The following PTPN22 variants were observed in gnomAD, a reference collection of about 807,000 sequenced individuals.
PTPN22 encodes the protein tyrosine-protein phosphatase non-receptor type 22.
Under a neutral mutation model 103.3 loss-of-function variants are expected in PTPN22, and 85 were observed. The observed-to-expected ratio is 0.82, with a 90% confidence interval of 0.69 to 0.99. The LOEUF is 0.99. PTPN22 is among the 50% of genes least tolerant of loss of function. PTPN22 has a pLI of 0.00. For missense variants in PTPN22, 865 were observed against 936.9 expected (o/e 0.92, Z 1.00); for synonymous variants, 323 against 310.2 (o/e 1.04, Z -0.43).
intron 10 of PTPN22, among the ~76,000 whole-genome samples, chr1:113,849,584 TTA>T (rs113029410): frequency 0.28 from 31,794 of 113,148 alleles, 4,217 homozygotes; most frequent in South Asian, 0.45. Context: ...CTTTATTTAT[TTA>T]TTTATTTATT....
At chr1:113,848,446 G>T in intron 11 of PTPN22, 94 bp downstream of exon 11, 1 of 1,576,176 alleles carries the variant, frequency 6.3e-7, no homozygotes, top group Non-Finnish European at 8.6e-7. Flanking sequence ...CAATTTAGTT[G>T]TGACAATAGA....
At chr1:113,846,506 CAT>C (rs1205859218) in intron 11 of PTPN22, among the ~76,000 whole-genome samples, 5 of 152,158 alleles carry the variant, frequency 3.3e-5, no homozygotes. Flanking sequence ...AATTGTAAAA[CAT>C]AATTTATAAA....
chr1:113,826,698 C>A (rs1662102393), intron 18 of PTPN22, among the ~76,000 whole-genome samples: 1 of 105,834 alleles, frequency 9.4e-6, no homozygotes, highest in Non-Finnish European at 1.7e-5. Flanking sequence ...GAGACGGAGT[C>A]TCGCTCTGTC....
At chr1:113,855,146 G>C (rs1031484493) in intron 7 of PTPN22, 97 bp from the exon 8 acceptor site, 3 of 1,089,524 alleles carry the variant, frequency 2.8e-6, no homozygotes, top group African/African-American at 3.2e-5. Flanking sequence ...GGATTATTCA[G>C]TGGCATGCAT....
At chr1:113,853,050 T>A (rs2102071298) in intron 9 of PTPN22, among the ~76,000 whole-genome samples, 1 of 152,298 alleles carries the variant, frequency 6.6e-6, no homozygotes, top group South Asian at 2.1e-4. Flanking sequence ...GCGATTCTCC[T>A]GCCTCAGCCT....
chr1:113,835,110 G>A (rs1317265156), intron 13 of PTPN22, 117 bp from the exon 14 acceptor site: 3 of 563,592 alleles, frequency 5.3e-6, no homozygotes, highest in Non-Finnish European at 8.3e-6. Context: ...TTCCGTTGAA[G>A]CAACATTATC....
At chr1:113,849,292 G>A (rs1395699213) in intron 10 of PTPN22, among the ~76,000 whole-genome samples, 2 of 152,078 alleles carry the variant, frequency 1.3e-5, no homozygotes, top group Non-Finnish European at 2.9e-5. Context: ...TGAAATTTGT[G>A]GTTACAAAAG....
chr1:113,853,793 T>C (rs1664791195), intron 9 of PTPN22, among the ~76,000 whole-genome samples: 1 of 150,550 alleles, frequency 6.6e-6, no homozygotes, highest in African/African-American at 2.4e-5. Context: ...GCAATTCTCC[T>C]GCCTCAGCCT....
chr1:113,871,014 C>T (rs1390375277), intron 1 of PTPN22, among the ~76,000 whole-genome samples: 1 of 152,012 alleles, frequency 6.6e-6, no homozygotes, highest in Middle Eastern at 3.2e-3. Context: ...GCCTGGGTGA[C>T]AGAGTAAGAT....
intron 10 of PTPN22, among the ~76,000 whole-genome samples, chr1:113,849,511 A>G (rs1664362776): frequency 6.6e-6 from 1 of 152,192 alleles, no homozygotes; most frequent in South Asian, 2.1e-4. Context: ...ATTTTTTTTC[A>G]AAGATAATTT....
chr1:113,855,157 G>C, intron 7 of PTPN22, 108 bp from the exon 8 acceptor site: 1 of 945,486 alleles, frequency 1.1e-6, no homozygotes, highest in South Asian at 1.6e-5. Flanking sequence ...TGGCATGCAT[G>C]CAACAAACCT....
intron 10 of PTPN22, among the ~76,000 whole-genome samples, 162 bp from the exon 11 acceptor site, chr1:113,848,788 A>G (rs550671792): frequency 6.6e-6 from 1 of 152,352 alleles, no homozygotes; most frequent in East Asian, 1.9e-4. Flanking sequence ...CCTTATGCTT[A>G]CGTAGTTCAC....
At chr1:113,857,899 A>G in intron 4 of PTPN22, 123 bp from the exon 5 acceptor site, 1 of 819,090 alleles carries the variant, frequency 1.2e-6, no homozygotes, top group Non-Finnish European at 1.9e-6. Flanking sequence ...TTTTTTTTTA[A>G]CCAAAAAATA....
intron 13 of PTPN22, 139 bp downstream of exon 13, chr1:113,837,449 CAA>C (rs930687643): frequency 1.3e-3 from 617 of 464,962 alleles, no homozygotes; most frequent in Middle Eastern, 2.4e-3. Context: ...GACTCCATCT[CAA>C]AAAAAAAAAA....
chr1:113,859,386 A>G lies in PTPN22; in HGVS notation c.162T>C (p.Asn54=), dbSNP rs764878466. The change falls in exon 2 of 21, where the codon AAT becomes AAC. Residue 54 remains asparagine, a synonymous_variant. Transcript: ENST00000359785. ...TATCCTTATATCTGTTTTTCTTGAT[A>G]TTCTTGGGCTTCTCAGCCACAGTTG... 7.4e-6 allele frequency: 12 copies of G among 1,613,714 alleles called. No individual in the cohort carries two copies. The South Asian group carries it at 1.3e-4, about 18-fold the overall frequency.
chr1:113,850,278 A>G lies in PTPN22; in HGVS notation c.829-1652T>C, dbSNP rs141976030. Among the ~76,000 whole-genome samples, 320 of 151,768 alleles carry G rather than the reference A, an allele frequency of 2.1e-3. 2 individuals carry two copies. The highest frequency in any genetic ancestry group is 7.2e-3 in the African/African-American group (300 of 41,410). Reference sequence around the variant, plus strand: ...GAAGGAAGGAAGGAAGGAAGGAAAGAAAGGAAGAAAAAGAAAAATCAGACA... The same window carrying G: ...GAAGGAAGGAAGGAAGGAAGGAAAGGAAGGAAGAAAAAGAAAAATCAGACA... On this transcript the variant is annotated intron_variant, in intron 10 of 20. Transcript: ENST00000359785.
intron 18 of PTPN22, among the ~76,000 whole-genome samples, chr1:113,825,988 C>T (rs1045321526): frequency 3.3e-5 from 5 of 152,066 alleles, no homozygotes; most frequent in African/African-American, 7.2e-5. Context: ...GCTGGGATTA[C>T]AGGCGTGAGC....
At chr1:113,861,992 G>T (rs1185561356) in intron 1 of PTPN22, among the ~76,000 whole-genome samples, 1 of 151,782 alleles carries the variant, frequency 6.6e-6, no homozygotes, top group Non-Finnish European at 1.5e-5. Flanking sequence ...AGAGGATAAA[G>T]TGAAGAGACT....
chr1:113,871,399 C>CTTTTTTT, intron 1 of PTPN22, 138 bp downstream of exon 1: 3 of 596,330 alleles, frequency 5.0e-6, no homozygotes, highest in African/African-American at 1.9e-5. Context: ...AGAAGTCAAA[C>CTTTTTTT]TTTTTTTTTT....
Sources: gnomAD v4.1 joint callset for allele counts (sites outside exome capture counted in the v4.1 genomes callset) on GRCh38, gnomAD v4.1.1 for gene constraint, MANE v1.5 for transcripts, NCBI Gene and HGNC (gene_info 2026-07-23, HGNC 2026-07-21) for gene names.